The following GRID2 variants were observed in gnomAD, a reference collection of about 807,000 sequenced individuals.
GRID2 encodes the protein glutamate receptor ionotropic, delta-2.
Under a neutral mutation model 114.8 loss-of-function variants are expected in GRID2, and 33 were observed. The observed-to-expected ratio is 0.29, with a 90% CI of 0.22 to 0.38. The LOEUF is 0.38. Ranked by LOEUF, GRID2 falls within the 10% of genes least tolerant of loss-of-function variation. GRID2 has a pLI of 1.00. For synonymous variants in GRID2, 505 were observed against 449.9 expected, an observed-to-expected ratio of 1.12 and a Z score of -1.55; for missense variants, 1,184 against 1,257.7, an observed-to-expected ratio of 0.94 and a Z score of 0.89.
At chr4:93,372,550 TC>T (rs1161599694) in intron 8 of GRID2, among the ~76,000 whole-genome samples, 1 of 152,030 alleles carries the variant, frequency 6.6e-6, no homozygotes, top group Non-Finnish European at 1.5e-5. Flanking sequence ...TTTCTGGGCC[TC>T]CCTCTTTGTT....
At chr4:93,218,303 C>A (rs1561001146) in intron 6 of GRID2, among the ~76,000 whole-genome samples, 1 of 151,858 alleles carries the variant, frequency 6.6e-6, no homozygotes. Context: ...AGTTTGAGAC[C>A]AGCCTGGGCA....
intron 8 of GRID2, among the ~76,000 whole-genome samples, chr4:93,340,454 C>T (rs1054102341): frequency 2.0e-5 from 3 of 151,836 alleles, no homozygotes; most frequent in Non-Finnish European, 4.4e-5. Flanking sequence ...TTTAATCTTA[C>T]CTTTAGGGAG....
intron 8 of GRID2, among the ~76,000 whole-genome samples, chr4:93,378,813 G>A (rs1763601161): frequency 6.6e-6 from 1 of 151,988 alleles, no homozygotes; most frequent in African/African-American, 2.4e-5. Context: ...CTGTGACTTT[G>A]GAGAAAGGTT....
chr4:93,059,528 A>C (rs928172254), intron 2 of GRID2, among the ~76,000 whole-genome samples: 6 of 152,070 alleles, frequency 3.9e-5, no homozygotes, highest in Non-Finnish European at 8.8e-5. Flanking sequence ...GGGGAGCAAA[A>C]TTGCTCCTAG....
At chr4:92,943,474 A>T (rs1443787430) in intron 2 of GRID2, among the ~76,000 whole-genome samples, 1 of 151,894 alleles carries the variant, frequency 6.6e-6, no homozygotes. Flanking sequence ...TTATTTAGCC[A>T]TTCATCTAAT....
intron 13 of GRID2, among the ~76,000 whole-genome samples, chr4:93,515,692 A>G (rs780241348): frequency 6.6e-6 from 1 of 152,176 alleles, no homozygotes; most frequent in Non-Finnish European, 1.5e-5. Flanking sequence ...CTTAACAAAC[A>G]TGAAGTTTAA....
intron 14 of GRID2, among the ~76,000 whole-genome samples, chr4:93,709,165 A>C (rs1728271013): frequency 6.6e-6 from 1 of 152,132 alleles, no homozygotes. Flanking sequence ...GTGTTTGTGT[A>C]CTTGCTATTA....
chr4:93,128,056 A>AAAC (rs1734458339), intron 4 of GRID2, among the ~76,000 whole-genome samples: 1 of 143,918 alleles, frequency 6.9e-6, no homozygotes, highest in Non-Finnish European at 1.5e-5. Context: ...AAAAAAAAAA[A>AAAC]AAACAACAGT....
At chr4:93,112,608 A>G (rs749014435) in intron 4 of GRID2, among the ~76,000 whole-genome samples, 3 of 152,186 alleles carry the variant, frequency 2.0e-5, no homozygotes, top group Non-Finnish European at 2.9e-5. Context: ...TCATTTATAA[A>G]TGACCCATCT....
chr4:92,438,413 T>C (rs1188574004), intron 1 of GRID2, among the ~76,000 whole-genome samples: 1 of 152,150 alleles, frequency 6.6e-6, no homozygotes, highest in East Asian at 1.9e-4. Flanking sequence ...TGTGCTCCCA[T>C]AATCCCTGTC....
chr4:93,751,226 A>C (rs192192916), intron 14 of GRID2, among the ~76,000 whole-genome samples: 1 of 152,306 alleles, frequency 6.6e-6, no homozygotes, highest in East Asian at 1.9e-4. Flanking sequence ...GCCAAGTATA[A>C]AATTTCAAAT....
chr4:92,394,910 T>G (rs1009435323), intron 1 of GRID2, among the ~76,000 whole-genome samples: 16 of 151,796 alleles, frequency 1.1e-4, no homozygotes, highest in African/African-American at 3.6e-4. Flanking sequence ...TGTAATATTA[T>G]TTTTAGTCTT....
intron 13 of GRID2, among the ~76,000 whole-genome samples, chr4:93,589,865 C>T (rs13122875): frequency 0.18 from 27,157 of 151,584 alleles, 3,178 homozygotes; most frequent in Non-Finnish European, 0.26. Flanking sequence ...TGAGAAGTGT[C>T]TGTTCATGTC....
At chr4:93,733,456 G>C (rs1730662784) in intron 14 of GRID2, among the ~76,000 whole-genome samples, 1 of 152,076 alleles carries the variant, frequency 6.6e-6, no homozygotes, top group South Asian at 2.1e-4. Flanking sequence ...GAAATGGCCT[G>C]CCTGTTAAAA....
chr4:93,389,807 T>C (rs1286774995), intron 8 of GRID2, among the ~76,000 whole-genome samples: 1 of 152,064 alleles, frequency 6.6e-6, no homozygotes, highest in Non-Finnish European at 1.5e-5. Context: ...TTTTTTCTTT[T>C]TTTGAGACAG....
Position 93,221,669 on chromosome 4 carries a change from A to G in GRID2, c.964-2945A>G, listed in dbSNP as rs574992873. 6.6e-5 allele frequency among the ~76,000 whole-genome samples: 10 copies of G among 152,344 alleles called. No homozygotes were observed. The South Asian group carries it at 1.2e-3, about 19-fold the overall frequency. On this transcript the variant is annotated intron_variant, in intron 6 of 15. Coordinates refer to ENST00000282020, the MANE Select transcript of GRID2 (RefSeq NM_001510.4). ...AATAAAATTACCAAAAGATCAGTTA[A>G]TGATGACAGAAAAAAGCAATAAAGT...
chr4:93,410,677 G>A (rs1266105332), intron 9 of GRID2, among the ~76,000 whole-genome samples: 1 of 152,198 alleles, frequency 6.6e-6, no homozygotes, highest in Non-Finnish European at 1.5e-5. Context: ...TCCATCTCCT[G>A]GGTTCAAGTG....
chr4:93,184,576 C>G (rs192780329), intron 4 of GRID2, among the ~76,000 whole-genome samples: 5 of 145,210 alleles, frequency 3.4e-5, no homozygotes, highest in Non-Finnish European at 7.5e-5. Context: ...TACAGCTGAA[C>G]AAGTTCTTAA....
rs530445723 is a variant in GRID2, at chr4:92,796,302, T to C, written c.244+206016T>C. ...GGGTTCTGGGTGGCCTGGGACATTG[T>C]CCAATATCAAAAGAACTTTATAAGG... On this transcript the variant is annotated intron_variant, in intron 2 of 15. Coordinates refer to ENST00000282020, the MANE Select transcript of GRID2 (RefSeq NM_001510.4). 2.1e-3 allele frequency among the ~76,000 whole-genome samples: 317 copies of C among 152,060 alleles called. 5 individuals are homozygous for C. The highest frequency in any genetic ancestry group is 2.7e-3 in the Non-Finnish European group (182 of 67,940).
Sources: gnomAD v4.1 joint callset for allele counts (sites outside exome capture counted in the v4.1 genomes callset) on GRCh38, gnomAD v4.1.1 for gene constraint, MANE v1.5 for transcripts, NCBI Gene and HGNC (gene_info 2026-07-23, HGNC 2026-07-21) for gene names.